The following MYH10 variants were observed in gnomAD, a reference collection of about 807,000 sequenced individuals.
The protein encoded by MYH10 is myosin-10.
MYH10 carries 55 observed loss-of-function variants against 257.8 expected under a neutral mutation model. That is an observed-to-expected ratio of 0.21 (90% CI 0.17 to 0.27). The LOEUF (loss-of-function observed/expected upper bound fraction) is 0.27, where lower values mean the gene tolerates loss of function less well. Ranked by LOEUF, MYH10 falls within the 10% of genes least tolerant of loss-of-function variation. MYH10 has a pLI of 1.00. For synonymous variants in MYH10, 854 were observed against 921.7 expected (o/e 0.93, Z 1.33); for missense variants, 1,631 against 2,500.6 (o/e 0.65, Z 7.42).
At position 8,552,607 on chromosome 17, in the gene MYH10, TAC is replaced by T. The variant is rs1179342052; in HGVS notation, c.821-465_821-464del. On this transcript the variant is annotated intron_variant, in intron 8 of 42. Coordinates refer to ENST00000360416, the MANE Select transcript of MYH10 (RefSeq NM_001256012.3). The surrounding 1 kb of genome is among the most constrained non-coding windows in gnomAD (Gnocchi z 4.8). ...TCAAAATAATATAGTTAATAAGTGG[TAC>T]AGTTAGGAACCAAAAACTTGGCTTG... Among the ~76,000 whole-genome samples, 2 of 152,208 alleles carry T rather than the reference TAC, an allele frequency of 1.3e-5. No individual in the cohort carries two copies. The highest frequency in any genetic ancestry group is 4.8e-5 in the African/African-American group (2 of 41,452).
chr17:8,537,989 G>A (rs1015891138), intron 14 of MYH10, among the ~76,000 whole-genome samples: 1 of 152,200 alleles, frequency 6.6e-6, no homozygotes, highest in Non-Finnish European at 1.5e-5. Context: ...CAGGGGCTGG[G>A]ATTATGCGAG....
rs886369242 is a variant in MYH10, at chr17:8,496,211, G to A, written c.3952-970C>T. On this transcript the variant is annotated intron_variant, in intron 30 of 42. Transcript: ENST00000360416. ...GGGTGCTGGGAAGACGCAGAGGGAC[G>A]CAGAGGGGCAGCAGGGCGCCGTGCG... 2.6e-5 allele frequency among the ~76,000 whole-genome samples: 4 copies of A among 152,224 alleles called. No individual in the cohort carries two copies. In the East Asian group the frequency reaches 7.7e-4, roughly 29 times the overall value.
At chr17:8,546,434 C>T (rs1411536652) in intron 12 of MYH10, 110 bp downstream of exon 12, 18 of 804,508 alleles carry the variant, frequency 2.2e-5, no homozygotes, top group Non-Finnish European at 3.3e-5. Context: ...TAAAAACACC[C>T]ATGTAAGACA....
rs987346131 is a variant in MYH10 at position 8,506,955 on chromosome 17, CAG to C, written c.3215-468_3215-467del. Among the ~76,000 whole-genome samples the C allele has an allele frequency of 6.6e-6, 1 of 152,190 alleles. No homozygotes were observed. The highest frequency in any genetic ancestry group is 2.4e-5 in the African/African-American group (1 of 41,436). ...GGGAGAGAGGAGACAGAAGAGTGGG[CAG>C]AGAGGGCCAGGCCTTTTCTCCACCC... On this transcript the variant is annotated intron_variant, in intron 26 of 42. Coordinates refer to ENST00000360416, the MANE Select transcript of MYH10 (RefSeq NM_001256012.3). This position sits in a 1 kb window ranked among gnomAD's most constrained non-coding sequence, Gnocchi z 5.0.
intron 7 of MYH10, among the ~76,000 whole-genome samples, chr17:8,558,487 G>GA (rs1008777820): frequency 4.6e-5 from 7 of 151,838 alleles, no homozygotes; most frequent in African/African-American, 7.3e-5. Flanking sequence ...AAGTTCACTT[G>GA]AAAAAAACAA....
chr17:8,575,814 T>C (rs2083477791), intron 6 of MYH10, among the ~76,000 whole-genome samples: 1 of 152,208 alleles, frequency 6.6e-6, no homozygotes, highest in East Asian at 1.9e-4. Flanking sequence ...GGTATCTGGC[T>C]CAGGTCTGCC....
chr17:8,549,585 G>A (rs919372911), intron 9 of MYH10, among the ~76,000 whole-genome samples: 2 of 152,178 alleles, frequency 1.3e-5, no homozygotes, highest in Non-Finnish European at 2.9e-5. Context: ...AATTTCTGCA[G>A]GTCACCCTGT....
intron 3 of MYH10, among the ~76,000 whole-genome samples, chr17:8,601,942 AG>A (rs1483987267): frequency 6.6e-6 from 1 of 151,950 alleles, no homozygotes; most frequent in Non-Finnish European, 1.5e-5. Flanking sequence ...GAAACTAGGA[AG>A]GATGATAAAT....
chr17:8,514,886 C>G (rs1214348473), intron 21 of MYH10, among the ~76,000 whole-genome samples: 1 of 152,188 alleles, frequency 6.6e-6, no homozygotes, highest in Non-Finnish European at 1.5e-5. Context: ...GTGCCTGGCA[C>G]GCTGCACTCC....
intron 13 of MYH10, among the ~76,000 whole-genome samples, chr17:8,544,705 T>A (rs140843512): frequency 2.6e-5 from 4 of 152,218 alleles, no homozygotes; most frequent in Non-Finnish European, 5.9e-5. Context: ...TACATCTATA[T>A]TTATGGAAAT....
chr17:8,530,547 C>T, intron 17 of MYH10, 76 bp downstream of exon 17: 1 of 769,342 alleles, frequency 1.3e-6, no homozygotes. Flanking sequence ...GGCCACCCTG[C>T]CAGTCCCCCC....
Position 8,504,847 on chromosome 17 carries a change from G to C in MYH10, c.3446C>G (p.Ala1149Gly). ...NALKVVRELQ[A>G]QIAELQEDFE... ...GTCTTCCTGAAGTTCAGCAATTTGG[G>C]CTTGTAGCTCTCGCACAACTTTAAG... Residue 1149 changes from alanine to glycine, a missense_variant, in exon 28 of 43, where the codon GCC becomes GGC. Physicochemically the swap from Ala to Gly is moderately conservative, Grantham distance 60. Transcript: ENST00000360416. This position sits in a 1 kb window ranked among gnomAD's most constrained non-coding sequence, Gnocchi z 5.6. The C allele has an allele frequency of 6.2e-7, 1 of 1,614,210 alleles. No homozygotes were observed. Among genetic ancestry groups the C allele is most frequent in the Non-Finnish European group, 8.5e-7 (1 of 1,180,040 alleles).
intron 21 of MYH10, among the ~76,000 whole-genome samples, chr17:8,517,599 G>A (rs990254991): frequency 2.0e-5 from 3 of 152,116 alleles, no homozygotes; most frequent in African/African-American, 7.2e-5. Context: ...CTTTTCTCTC[G>A]TTCTCCACCA....
At chr17:8,619,350 G>A (rs952121147) in intron 2 of MYH10, among the ~76,000 whole-genome samples, 1 of 152,118 alleles carries the variant, frequency 6.6e-6, no homozygotes, top group African/African-American at 2.4e-5. Flanking sequence ...GGCGTCAGGA[G>A]TTTTATTCAT....
chr17:8,476,613 A>C (rs2132099), intron 42 of MYH10, among the ~76,000 whole-genome samples: 5 of 152,224 alleles, frequency 3.3e-5, no homozygotes, highest in Admixed American at 2.0e-4. Flanking sequence ...ATATCTGGAC[A>C]GGGATGGATG....
intron 38 of MYH10, 97 bp from the exon 39 acceptor site, chr17:8,480,622 T>C (rs1355376826): frequency 1.3e-6 from 2 of 1,507,328 alleles, no homozygotes; most frequent in Admixed American, 3.7e-5. Context: ...GCTGGAAACC[T>C]GAGCAGCCAT....
intron 3 of MYH10, among the ~76,000 whole-genome samples, chr17:8,595,137 A>C (rs1390882872): frequency 6.6e-6 from 1 of 152,230 alleles, no homozygotes; most frequent in Non-Finnish European, 1.5e-5. Context: ...TGCTAAAAAA[A>C]GAAGCCACAC....
intron 22 of MYH10, 30 bp downstream of exon 22, chr17:8,513,755 AG>A (rs780584060): frequency 6.2e-7 from 1 of 1,612,314 alleles, no homozygotes; most frequent in Non-Finnish European, 8.5e-7. Flanking sequence ...GCTATTTGAA[AG>A]GGATCTGGAA....
rs761036424 is a variant in MYH10, at chr17:8,576,534, G to A, written c.663+109C>T. 78 of 1,099,432 alleles carry A rather than the reference G, an allele frequency of 7.1e-5. 1 individual carries two copies. The highest frequency in any genetic ancestry group is 9.8e-5 in the Non-Finnish European group (75 of 763,892). The allele number at this position is 1,099,432 out of a possible 1,614,324, so 68.1% of individuals were successfully genotyped here. ...ATTTTCAAAATTAAAATTTTTTAAT[G>A]ACAGATTTCACTTAGAACTAGTGGC... On this transcript the variant is annotated intron_variant, in intron 6 of 42. Coordinates refer to ENST00000360416, the MANE Select transcript of MYH10 (RefSeq NM_001256012.3).
Sources: allele counts gnomAD v4.1 joint callset (sites outside exome capture counted in the v4.1 genomes callset), GRCh38; gene constraint gnomAD v4.1.1; non-coding constraint Gnocchi (gnomAD v3.1); transcripts MANE v1.5; gene names NCBI Gene and HGNC (gene_info 2026-07-23, HGNC 2026-07-21).